The following GABRA2 variants were observed in gnomAD, a reference collection of about 807,000 sequenced individuals.
GABRA2 encodes the protein gamma-aminobutyric acid receptor subunit alpha-2.
In GABRA2, 16 loss-of-function variants were observed where a neutral mutation model predicts 48.7. The observed-to-expected ratio is 0.33, with a 90% CI of 0.22 to 0.50. The LOEUF (loss-of-function observed/expected upper bound fraction) is 0.50. GABRA2 is among the 20% of genes least tolerant of loss of function. The pLI is 0.98. For synonymous variants in GABRA2, 185 were observed against 184.5 expected (o/e 1.00, Z -0.02); for missense variants, 275 against 535.6 (o/e 0.51, Z 4.80).
intron 4 of GABRA2, among the ~76,000 whole-genome samples, chr4:46,331,601 G>T (rs944954467): frequency 6.6e-5 from 10 of 152,122 alleles, no homozygotes; most frequent in African/African-American, 2.2e-4. Flanking sequence ...ACCATAGTTA[G>T]CAGTAAAAGT....
chr4:46,303,310 T>C, intron 8 of GABRA2, 150 bp downstream of exon 8: 1 of 700,910 alleles, frequency 1.4e-6, no homozygotes, highest in South Asian at 1.7e-5. Context: ...ATGTTACCAC[T>C]CTGAGCCTAC....
chr4:46,389,394 A>G (rs995093033), intron 1 of GABRA2: 1 of 985,228 alleles, frequency 1.0e-6, no homozygotes, highest in Non-Finnish European at 1.2e-6. Flanking sequence ...GCTGCTCTGG[A>G]GCCGAGGATC....
intron 3 of GABRA2, among the ~76,000 whole-genome samples, chr4:46,372,949 T>A (rs1172925219): frequency 6.6e-6 from 1 of 152,316 alleles, no homozygotes; most frequent in East Asian, 1.9e-4. Flanking sequence ...CTCACTTAAA[T>A]GTGCACCTGC....
At chr4:46,324,360 T>A (rs1259638994) in intron 4 of GABRA2, among the ~76,000 whole-genome samples, 1 of 151,910 alleles carries the variant, frequency 6.6e-6, no homozygotes, top group Non-Finnish European at 1.5e-5. Flanking sequence ...ACTATCTACA[T>A]GTATTGATAT....
chr4:46,293,701 G>A (rs7669378), intron 8 of GABRA2, among the ~76,000 whole-genome samples: 4 of 151,958 alleles, frequency 2.6e-5, no homozygotes, highest in Admixed American at 6.5e-5. Flanking sequence ...TGGAAAAGAC[G>A]AAATGTAAGC....
chr4:46,358,362 TAGG>T (rs1269971413), intron 3 of GABRA2, among the ~76,000 whole-genome samples: 3 of 152,212 alleles, frequency 2.0e-5, no homozygotes, highest in Admixed American at 6.5e-5. Flanking sequence ...ACTGTGTCAG[TAGG>T]AATTATTTTC....
intron 3 of GABRA2, among the ~76,000 whole-genome samples, chr4:46,372,020 G>A (rs1714974010): frequency 6.6e-6 from 1 of 152,106 alleles, no homozygotes; most frequent in South Asian, 2.1e-4. Flanking sequence ...GCAGCATCTT[G>A]AGCCCAACAT....
chr4:46,367,815 G>T (rs551518973), intron 3 of GABRA2: 20 of 152,240 alleles, frequency 1.3e-4, no homozygotes, highest in African/African-American at 3.9e-4. Context: ...TGAGAAATGG[G>T]TTCTACTTGC....
chr4:46,321,608 C>T (rs1338016517), intron 4 of GABRA2, among the ~76,000 whole-genome samples: 1 of 152,012 alleles, frequency 6.6e-6, no homozygotes, highest in East Asian at 1.9e-4. Context: ...GGGTACCTGG[C>T]TTTGAGCAGG....
Position 46,286,448 on chromosome 4 carries a change from A to T in GABRA2, c.856+17012T>A, listed in dbSNP as rs537571179. ...TCTGTGTGAACATATATTTTTATTAATCTTGGATCTATATTTAGAGGTAGA... is the reference window on the plus strand; with the variant it reads ...TCTGTGTGAACATATATTTTTATTATTCTTGGATCTATATTTAGAGGTAGA... On this transcript the variant is annotated intron_variant, in intron 8 of 9. Coordinates refer to ENST00000381620, the MANE Select transcript of GABRA2 (RefSeq NM_000807.4). 1.8e-3 allele frequency among the ~76,000 whole-genome samples: 268 copies of T among 152,142 alleles called. 1 individual carries two copies. Among genetic ancestry groups the T allele is most frequent in the Non-Finnish European group, 3.2e-3 (219 of 67,926 alleles).
At chr4:46,281,057 T>A (rs994253075) in intron 8 of GABRA2, among the ~76,000 whole-genome samples, 7 of 152,152 alleles carry the variant, frequency 4.6e-5, no homozygotes, top group African/African-American at 1.7e-4. Flanking sequence ...TGGTATTTTT[T>A]AATAGCAGTC....
intron 2 of GABRA2, 51 bp downstream of exon 2, chr4:46,388,585 A>C (rs767773250): frequency 4.5e-5 from 72 of 1,602,488 alleles, no homozygotes; most frequent in Non-Finnish European, 5.8e-5. Context: ...GGCCTACAAG[A>C]AACACATCTT....
intron 3 of GABRA2, among the ~76,000 whole-genome samples, chr4:46,370,808 C>CT (rs768838395): frequency 7.2e-4 from 109 of 152,178 alleles, no homozygotes; most frequent in Non-Finnish European, 1.4e-3. Context: ...ACTCTATACT[C>CT]TGTCTATTTC....
At chr4:46,341,385 G>A (rs962759629) in intron 3 of GABRA2, among the ~76,000 whole-genome samples, 1 of 151,920 alleles carries the variant, frequency 6.6e-6, no homozygotes, top group Non-Finnish European at 1.5e-5. Context: ...ACTCTTCAAG[G>A]TGTGTGTGCA....
chr4:46,320,879 A>AT (rs779039462), intron 4 of GABRA2, among the ~76,000 whole-genome samples: 17 of 152,064 alleles, frequency 1.1e-4, no homozygotes, highest in Non-Finnish European at 2.4e-4. Context: ...TCTGTTAGGT[A>AT]TATACCCAAG....
At chr4:46,330,755 G>C (rs537816454) in intron 4 of GABRA2, among the ~76,000 whole-genome samples, 1 of 151,768 alleles carries the variant, frequency 6.6e-6, no homozygotes, top group African/African-American at 2.4e-5. Flanking sequence ...TTGCCTTTCT[G>C]TTTTGGCTGA....
intron 3 of GABRA2, among the ~76,000 whole-genome samples, chr4:46,336,090 G>T (rs1425363193): frequency 1.3e-5 from 2 of 152,134 alleles, no homozygotes; most frequent in Non-Finnish European, 2.9e-5. Flanking sequence ...AACAGGGACT[G>T]CACTATTTCT....
At chr4:46,257,465 T>C (rs1050581206) in intron 9 of GABRA2, among the ~76,000 whole-genome samples, 1 of 151,646 alleles carries the variant, frequency 6.6e-6, no homozygotes, top group Non-Finnish European at 1.5e-5. Context: ...TGGATTTCAC[T>C]ACCTATTAGA....
At chr4:46,264,684 G>A (rs923544136) in intron 8 of GABRA2, among the ~76,000 whole-genome samples, 1 of 151,634 alleles carries the variant, frequency 6.6e-6, no homozygotes, top group African/African-American at 2.4e-5. Flanking sequence ...TTGGTATCTT[G>A]GTAATACGGC....
Sources: gnomAD v4.1 joint callset for allele counts (sites outside exome capture counted in the v4.1 genomes callset) on GRCh38, gnomAD v4.1.1 for gene constraint, MANE v1.5 for transcripts, NCBI Gene and HGNC (gene_info 2026-07-23, HGNC 2026-07-21) for gene names.